Variants in CRB1 observed in about 807,000 individuals in gnomAD.
CRB1 encodes the protein crumbs cell polarity complex component 1.
A neutral mutation model predicts 120.0 loss-of-function variants in CRB1; 83 were observed. The ratio of observed to expected loss-of-function variants is 0.69; its 90% CI spans 0.58 to 0.83. The LOEUF is 0.83. Among genes scored for constraint, CRB1 ranks in the 40% least tolerant of loss-of-function variants. The pLI, the probability that CRB1 is intolerant of heterozygous loss-of-function variation, is 0.00. For missense variants in CRB1, 1,699 were observed against 1,687.6 expected, an observed-to-expected ratio of 1.01 and a Z score of -0.12; for synonymous variants, 625 against 612.5, an observed-to-expected ratio of 1.02 and a Z score of -0.30.
chr1:197,466,229 C>G (rs974174161), intron 11 of CRB1, among the ~76,000 whole-genome samples: 1 of 152,194 alleles, frequency 6.6e-6, no homozygotes, highest in Non-Finnish European at 1.5e-5. Flanking sequence ...GATGCATTGG[C>G]TCTGCTCTGA....
At chr1:197,475,969 G>T (rs1667178782) in intron 11 of CRB1, among the ~76,000 whole-genome samples, 1 of 152,078 alleles carries the variant, frequency 6.6e-6, no homozygotes, top group African/African-American at 2.4e-5. Context: ...GAGTGCAGTA[G>T]CCTGATCTCA....
chr1:197,411,238 G>C (rs1558117602), intron 5 of CRB1, among the ~76,000 whole-genome samples: 1 of 152,078 alleles, frequency 6.6e-6, no homozygotes, highest in Non-Finnish European at 1.5e-5. Context: ...GTTAGAAAGG[G>C]ATTTTCATTT....
chr1:197,390,805 AT>A (rs1662467583), intron 5 of CRB1, among the ~76,000 whole-genome samples: 1 of 151,988 alleles, frequency 6.6e-6, no homozygotes, highest in Non-Finnish European at 1.5e-5. Flanking sequence ...CTTCTATTTG[AT>A]TCTTGGTGAT....
chr1:197,434,642 AACGGTAATT>A lies in CRB1; in HGVS notation c.2843-62_2843-54del, dbSNP rs1273113556. 1.2e-5 allele frequency: 17 copies of A among 1,363,554 alleles called. No homozygotes were observed. The African/African-American group carries it at 2.3e-4, about 18-fold the overall frequency. 84.5% of individuals were successfully genotyped at this position (1,363,554 alleles called of 1,614,324 possible). On this transcript the variant is annotated intron_variant, in intron 8 of 11. Coordinates refer to ENST00000367400, the MANE Select transcript of CRB1 (RefSeq NM_201253.3). ...TAACACAATGATCATTACTATTAAT[AACGGTAATT>A]AAGCAAACTATAGATTTAATAAAGT...
chr1:197,457,267 C>T (rs554616598), intron 11 of CRB1, among the ~76,000 whole-genome samples: 44 of 151,906 alleles, frequency 2.9e-4, no homozygotes, highest in Non-Finnish European at 4.7e-4. Flanking sequence ...ACTCTGAGCC[C>T]GAAACTATGC....
intron 11 of CRB1, among the ~76,000 whole-genome samples, chr1:197,451,632 A>C (rs1021804850): frequency 6.6e-6 from 1 of 152,214 alleles, no homozygotes; most frequent in African/African-American, 2.4e-5. Flanking sequence ...TGTGCTTCAT[A>C]TACACTTACA....
chr1:197,313,566 C>A (rs753634273), intron 1 of CRB1, among the ~76,000 whole-genome samples: 1 of 152,080 alleles, frequency 6.6e-6, no homozygotes, highest in African/African-American at 2.4e-5. Flanking sequence ...TATCAAATTG[C>A]GTTTTTGTAC....
At chr1:197,433,881 T>C (rs964953122) in intron 8 of CRB1, among the ~76,000 whole-genome samples, 2 of 151,910 alleles carry the variant, frequency 1.3e-5, no homozygotes, top group East Asian at 3.9e-4. Context: ...CCAAATAATA[T>C]TAGGTTTACA....
chr1:197,252,649 C>A, the CRB1 span, among the ~76,000 whole-genome samples: 3 of 139,018 alleles, frequency 2.2e-5, no homozygotes, highest in East Asian at 4.4e-4. Context: ...CACACACACA[C>A]ACACATATAT....
intron 1 of CRB1, among the ~76,000 whole-genome samples, chr1:197,318,851 G>C (rs1402821878): frequency 6.6e-6 from 1 of 152,120 alleles, no homozygotes; most frequent in African/African-American, 2.4e-5. Context: ...GGGAACAAGT[G>C]GGGATAGGAG....
chr1:197,293,944 T>G lies in CRB1; in HGVS notation c.70+25462T>G, dbSNP rs547869956. Among the ~76,000 whole-genome samples, 17 of 152,280 alleles carry G rather than the reference T, an allele frequency of 1.1e-4. No individual in the cohort carries two copies. In the South Asian group the frequency reaches 3.5e-3, roughly 32 times the overall value. On this transcript the variant is annotated intron_variant, in intron 1 of 11. Coordinates refer to ENST00000367400, the MANE Select transcript of CRB1 (RefSeq NM_201253.3). ...GGATTAAAGACTTTAATGTTAGACC[T>G]AAGACCATAAAAACCCTAGAAGAAA... is the stretch of plus-strand genomic sequence containing the variant.
At chr1:197,242,720 A>G in the CRB1 span, among the ~76,000 whole-genome samples, 2 of 152,042 alleles carry the variant, frequency 1.3e-5, no homozygotes, top group Admixed American at 6.5e-5. Context: ...CTCTTTTTAT[A>G]TTGTTTGGAA....
chr1:197,360,299 C>T (rs1660705390), intron 5 of CRB1: 1 of 152,230 alleles, frequency 6.6e-6, no homozygotes, highest in Non-Finnish European at 1.5e-5. Context: ...TATCATATGG[C>T]ACCTAGCCAG....
At chr1:197,334,711 C>T (rs572696330) in intron 2 of CRB1, among the ~76,000 whole-genome samples, 48 of 152,240 alleles carry the variant, frequency 3.2e-4, no homozygotes, top group African/African-American at 1.1e-3. Flanking sequence ...ATACCAGCAC[C>T]AGATGGACTA....
At chr1:197,335,480 C>G (rs1659098325) in intron 2 of CRB1, among the ~76,000 whole-genome samples, 2 of 151,990 alleles carry the variant, frequency 1.3e-5, no homozygotes, top group African/African-American at 4.8e-5. Context: ...AGAGACCTAT[C>G]AAGTTTTTTG....
intron 11 of CRB1, among the ~76,000 whole-genome samples, chr1:197,474,643 TAATC>T (rs1355950898): frequency 1.3e-5 from 2 of 152,120 alleles, no homozygotes; most frequent in Non-Finnish European, 2.9e-5. Context: ...TTACCCAATG[TAATC>T]AATCTCAGGC....
At chr1:197,266,691 T>C (rs1278498065), upstream of CRB1, among the ~76,000 whole-genome samples, 1 of 152,206 alleles carries the variant, frequency 6.6e-6, no homozygotes, top group Non-Finnish European at 1.5e-5. Context: ...ATCCTTTGTA[T>C]AACATGTTCT....
the CRB1 span, among the ~76,000 whole-genome samples, chr1:197,206,915 T>C: frequency 6.6e-6 from 1 of 152,198 alleles, no homozygotes. Context: ...ATGTAGAAGC[T>C]CCAGTATTAG....
At chr1:197,309,940 C>T (rs1474220702) in intron 1 of CRB1, among the ~76,000 whole-genome samples, 1 of 152,040 alleles carries the variant, frequency 6.6e-6, no homozygotes. Flanking sequence ...GCTGGACTAA[C>T]AATATGTTTA....
Sources: gnomAD v4.1 joint callset for allele counts (sites outside exome capture counted in the v4.1 genomes callset) on GRCh38, gnomAD v4.1.1 for gene constraint, MANE v1.5 for transcripts, NCBI Gene and HGNC (gene_info 2026-07-23, HGNC 2026-07-21) for gene names.